Variants in SLC22A2 observed in about 807,000 individuals in gnomAD.
The protein encoded by SLC22A2 is solute carrier family 22 member 2, also known as organic cation transporter 2.
SLC22A2 carries 46 observed loss-of-function variants against 60.5 expected under a neutral mutation model. The ratio of observed to expected loss-of-function variants is 0.76; its 90% CI spans 0.60 to 0.97. The LOEUF is 0.97. Among genes scored for constraint, SLC22A2 ranks in the 50% least tolerant of loss-of-function variants. The pLI is 0.00. For synonymous variants in SLC22A2, 303 were observed against 267.0 expected (o/e 1.13, Z -1.31); for missense variants, 701 against 706.6 (o/e 0.99, Z 0.09).
At chr6:160,237,857 C>T (rs1161036919) in intron 9 of SLC22A2, among the ~76,000 whole-genome samples, 1 of 152,156 alleles carries the variant, frequency 6.6e-6, no homozygotes, top group Admixed American at 6.5e-5. Flanking sequence ...CTGGCTACAA[C>T]CCACCAAAAC....
rs1783324860 is a variant in SLC22A2, at chr6:160,258,776, G to GC, written c.-20dup. On this transcript the variant is annotated 5_prime_UTR_variant, in exon 1 of 11. Transcript: ENST00000366953. ...TGGGCATGATCCTGCAGGCAGGAGG[G>GC]CCCGAGGCTGCCCGACGTGCCCGGA... 7.2e-6 allele frequency: 11 copies of GC among 1,519,152 alleles called. No individual in the cohort carries two copies. The highest frequency in any genetic ancestry group is 2.0e-4 in the Middle Eastern group (1 of 4,984). The allele number at this position is 1,519,152 out of a possible 1,614,324, so 94.1% of individuals were successfully genotyped here.
At chr6:160,255,520 G>A (rs1294025354) in intron 2 of SLC22A2, among the ~76,000 whole-genome samples, 2 of 152,114 alleles carry the variant, frequency 1.3e-5, no homozygotes, top group African/African-American at 4.8e-5. Flanking sequence ...AGCATAAAAT[G>A]CATTGACTTT....
At chr6:160,236,948 T>C (rs1349894254) in intron 9 of SLC22A2, among the ~76,000 whole-genome samples, 1 of 152,268 alleles carries the variant, frequency 6.6e-6, no homozygotes, top group African/African-American at 2.4e-5. Flanking sequence ...GAAAAATAAT[T>C]ATTTTTGCTG....
intron 2 of SLC22A2, among the ~76,000 whole-genome samples, chr6:160,251,731 G>T (rs1013685981): frequency 1.2e-4 from 18 of 152,156 alleles, no homozygotes; most frequent in African/African-American, 4.3e-4. Context: ...TATCAGGATT[G>T]CTCCTTTTAA....
At chr6:160,243,113 G>T (rs1220935079) in intron 7 of SLC22A2, among the ~76,000 whole-genome samples, 1 of 152,160 alleles carries the variant, frequency 6.6e-6, no homozygotes, top group Non-Finnish European at 1.5e-5. Context: ...CCAGGTATTT[G>T]TTCCCCTTCG....
chr6:160,249,508 C>G, intron 3 of SLC22A2, 124 bp from the exon 4 acceptor site: 1 of 719,064 alleles, frequency 1.4e-6, no homozygotes, highest in Non-Finnish European at 2.4e-6. Context: ...CTACGCAACT[C>G]TCTGAATATT....
chr6:160,256,778 T>C, intron 1 of SLC22A2, 61 bp from the exon 2 acceptor site: 1 of 1,145,392 alleles, frequency 8.7e-7, no homozygotes, highest in Non-Finnish European at 1.3e-6. Context: ...CCTGTTAGAA[T>C]CCTGTTGGAC....
At position 160,250,756 on chromosome 6, in the gene SLC22A2, T is replaced by C. The variant is rs1056303997; in HGVS notation, c.519-54A>G. On this transcript the variant is annotated intron_variant, in intron 2 of 10. Transcript: ENST00000366953. Reference sequence around the variant, plus strand: ...TTGAATTAATTTTGATTTGTGAAGATTGTGGAAAATGCATGGAAGTTATGG... The same window carrying C: ...TTGAATTAATTTTGATTTGTGAAGACTGTGGAAAATGCATGGAAGTTATGG... 23 of 1,555,232 alleles carry C rather than the reference T, an allele frequency of 1.5e-5. No individual in the cohort carries two copies. The South Asian group carries it at 2.4e-4, about 16-fold the overall frequency.
Position 160,256,596 on chromosome 6 carries a change from A to G in SLC22A2, c.518+18T>C. ...CCTTTGGGATTGTTTAAATTCCACC[A>G]CAGGTGATTCAACCTACCTGTCTGC... On this transcript the variant is annotated intron_variant, in intron 2 of 10. Transcript: ENST00000366953. 6.4e-7 allele frequency: 1 copy of G among 1,552,796 alleles called. No individual in the cohort carries two copies. The highest frequency in any genetic ancestry group is 8.9e-7 in the Non-Finnish European group (1 of 1,124,298).
At chr6:160,258,230 A>G in intron 1 of SLC22A2, 114 bp downstream of exon 1, 2 of 1,195,714 alleles carry the variant, frequency 1.7e-6, no homozygotes, top group Non-Finnish European at 1.2e-6. Context: ...AGATACATGC[A>G]GGCCAAAGAG....
At chr6:160,240,963 T>C (rs918117684) in intron 9 of SLC22A2, among the ~76,000 whole-genome samples, 1 of 152,210 alleles carries the variant, frequency 6.6e-6, no homozygotes, top group Admixed American at 6.5e-5. Context: ...ATTATGCTGA[T>C]GCATTTTCTT....
intron 9 of SLC22A2, among the ~76,000 whole-genome samples, chr6:160,226,044 C>A (rs1782715923): frequency 6.6e-6 from 1 of 152,166 alleles, no homozygotes; most frequent in Non-Finnish European, 1.5e-5. Flanking sequence ...AGGAGTCATG[C>A]AGTTGGAGTC....
At chr6:160,238,941 C>T (rs912133403) in intron 9 of SLC22A2, among the ~76,000 whole-genome samples, 5 of 151,948 alleles carry the variant, frequency 3.3e-5, no homozygotes, top group South Asian at 2.1e-4. Flanking sequence ...TAAAATGGGG[C>T]TGAGACCTAC....
chr6:160,237,573 C>T (rs1329546452), intron 9 of SLC22A2, among the ~76,000 whole-genome samples: 1 of 152,166 alleles, frequency 6.6e-6, no homozygotes. Context: ...TATCATCACC[C>T]TTAATCAGAA....
intron 6 of SLC22A2, chr6:160,244,778 A>G (rs1412166106): frequency 6.6e-6 from 1 of 152,198 alleles, no homozygotes; most frequent in Admixed American, 6.5e-5. Flanking sequence ...GTAAATCTCC[A>G]TTTGCCTGGG....
chr6:160,247,305 T>C lies in SLC22A2; in HGVS notation c.843-7A>G. 6.7e-7 allele frequency: 1 copy of C among 1,503,146 alleles called. No homozygotes were observed. The highest frequency in any genetic ancestry group is 9.3e-7 in the Non-Finnish European group (1 of 1,078,820). The allele number at this position is 1,503,146 out of a possible 1,614,324, so 93.1% of individuals were successfully genotyped here. ...GGGAGACTCAGGTATGCACCTAGGG[T>C]ACAAGGTGAGCGGAGGGCAACTCTT... On this transcript the variant is annotated splice_region_variant and splice_polypyrimidine_tract_variant and intron_variant, in intron 4 of 10. Transcript: ENST00000366953.
At position 160,217,421 on chromosome 6, in the gene SLC22A2, G is replaced by A. The variant is rs191756363; in HGVS notation, c.*11C>T. On this transcript the variant is annotated 3_prime_UTR_variant, in exon 11 of 11. Transcript: ENST00000366953. The stretch of plus-strand genomic sequence containing the variant: ...AAAGCTAGGTCATGACAGCAGCAAC[G>A]GTCTCTCTTCTTAGTTCAATGGAAT... 195 of 1,570,974 alleles carry A rather than the reference G, an allele frequency of 1.2e-4. No homozygotes were observed. The highest frequency in any genetic ancestry group is 1.4e-4 in the Admixed American group (8 of 59,240).
At chr6:160,227,780 AG>A (rs1782747018) in intron 9 of SLC22A2, among the ~76,000 whole-genome samples, 1 of 152,220 alleles carries the variant, frequency 6.6e-6, no homozygotes, top group African/African-American at 2.4e-5. Context: ...AGGATGAGAT[AG>A]GAGGTCAGCA....
At chr6:160,221,071 C>A (rs315999) in intron 10 of SLC22A2, among the ~76,000 whole-genome samples, 7 of 152,070 alleles carry the variant, frequency 4.6e-5, no homozygotes, top group Non-Finnish European at 7.4e-5. Context: ...CATGAAAGTC[C>A]TAAATGGCAT....
Sources: allele counts gnomAD v4.1 joint callset (sites outside exome capture counted in the v4.1 genomes callset), GRCh38; gene constraint gnomAD v4.1.1; transcripts MANE v1.5; gene names NCBI Gene and HGNC (gene_info 2026-07-23, HGNC 2026-07-21).